The following ANKRD28 variants were observed in gnomAD, a reference collection of about 807,000 sequenced individuals.
ANKRD28 encodes serine/threonine-protein phosphatase 6 regulatory ankyrin repeat subunit A.
A neutral mutation model predicts 126.5 loss-of-function variants in ANKRD28; 44 were observed. The observed-to-expected ratio is 0.35, with a 90% CI of 0.27 to 0.45. The LOEUF is 0.45. Among genes scored for constraint, ANKRD28 ranks in the 20% least tolerant of loss-of-function variants. The probability of loss-of-function intolerance (pLI) is 1.00; values close to 1 mark genes in which losing one functional copy is unlikely to be tolerated. For missense variants in ANKRD28, 1,110 were observed against 1,316.6 expected, an observed-to-expected ratio of 0.84 and a Z score of 2.43; for synonymous variants, 442 against 468.5, an observed-to-expected ratio of 0.94 and a Z score of 0.73.
At chr3:15,776,967 A>C (rs568800150) in intron 2 of ANKRD28, among the ~76,000 whole-genome samples, 2 of 152,164 alleles carry the variant, frequency 1.3e-5, no homozygotes, top group East Asian at 3.8e-4. Context: ...TCCTGAACTA[A>C]TGTTCAAAAT....
At chr3:15,733,565 C>T (rs976412866) in intron 6 of ANKRD28, 26 of 152,014 alleles carry the variant, frequency 1.7e-4, no homozygotes, top group African/African-American at 6.0e-4. Flanking sequence ...GACTATTCTT[C>T]GGTGATAATA....
rs950631157 is a variant in ANKRD28, at chr3:15,845,438, T to C, written c.27+13939A>G. On this transcript the variant is annotated intron_variant, in intron 1 of 27. Transcript: ENST00000399451. The surrounding 1 kb of genome is among the most constrained non-coding windows in gnomAD (Gnocchi z 4.9). ...AAGGTTACAGCTCCTTGGCATTATC[T>C]GTTGAAGTTTCTTGATTCCAGACAT... Among the ~76,000 whole-genome samples, 3 of 152,236 alleles carry C rather than the reference T, an allele frequency of 2.0e-5. No homozygotes were observed. The East Asian group carries it at 5.8e-4, about 29-fold the overall frequency.
rs1444866522 is a variant in ANKRD28 at position 15,714,669 on chromosome 3, G to A, written c.997-13C>T. 6.4e-7 allele frequency: 1 copy of A among 1,568,536 alleles called. No homozygotes were observed. The highest frequency in any genetic ancestry group is 2.0e-5 in the Admixed American group (1 of 48,992). ...TCCCATCTTTACTCTGGGGGGGGAA[G>A]AAAAAAATTACTCACTCTACTATAT... On this transcript the variant is annotated splice_polypyrimidine_tract_variant and intron_variant, in intron 8 of 27. Coordinates refer to ENST00000683139, the MANE Select transcript of ANKRD28 (RefSeq NM_001349278.2).
chr3:15,727,270 T>A (rs572319697), intron 6 of ANKRD28, among the ~76,000 whole-genome samples: 1 of 152,038 alleles, frequency 6.6e-6, no homozygotes, highest in Non-Finnish European at 1.5e-5. Flanking sequence ...GATTCATCAT[T>A]CTAGATGCCA....
chr3:15,751,682 T>C, intron 4 of ANKRD28, 68 bp downstream of exon 4: 1 of 1,017,612 alleles, frequency 9.8e-7, no homozygotes. Context: ...AGAATTTGAA[T>C]ATGGATTCAG....
At chr3:15,714,428 A>G (rs2072738388) in intron 9 of ANKRD28, 150 bp downstream of exon 9, 1 of 625,736 alleles carries the variant, frequency 1.6e-6, no homozygotes, top group Non-Finnish European at 2.7e-6. Flanking sequence ...ATACTCTTTA[A>G]TATTTTATTT....
In ANKRD28 at chr3:15,690,224, G is replaced by C; in HGVS notation, c.1762-4C>G. 6.4e-7 allele frequency: 1 copy of C among 1,563,034 alleles called. No homozygotes were observed. The highest frequency in any genetic ancestry group is 8.7e-7 in the Non-Finnish European group (1 of 1,154,820). On this transcript the variant is annotated splice_region_variant and splice_polypyrimidine_tract_variant and intron_variant, in intron 17 of 27. Coordinates refer to ENST00000683139, the MANE Select transcript of ANKRD28 (RefSeq NM_001349278.2). ...CTTGATGGTGACCATGATAGGCCTAGAAATAAATAAAAATGTAAATTTAAA... is the reference window on the plus strand; with the variant it reads ...CTTGATGGTGACCATGATAGGCCTACAAATAAATAAAAATGTAAATTTAAA...
chr3:15,852,598 C>G (rs1470432791), intron 1 of ANKRD28, among the ~76,000 whole-genome samples: 1 of 152,012 alleles, frequency 6.6e-6, no homozygotes, highest in Non-Finnish European at 1.5e-5. Context: ...CTTTGGGAGG[C>G]CGAGGCGGGC....
At chr3:15,772,161 T>C (rs2059045917) in intron 2 of ANKRD28, among the ~76,000 whole-genome samples, 1 of 151,406 alleles carries the variant, frequency 6.6e-6, no homozygotes, top group Non-Finnish European at 1.5e-5. Flanking sequence ...TCACTTAAAC[T>C]AGAAAAAAGG....
At chr3:15,720,089 C>G (rs2073536521) in intron 8 of ANKRD28, among the ~76,000 whole-genome samples, 1 of 151,802 alleles carries the variant, frequency 6.6e-6, no homozygotes, top group Admixed American at 6.6e-5. Flanking sequence ...GTCCTGAATT[C>G]CTAGGCTCAA....
intron 6 of ANKRD28, among the ~76,000 whole-genome samples, chr3:15,728,447 C>T (rs1266554586): frequency 6.6e-6 from 1 of 152,134 alleles, no homozygotes; most frequent in South Asian, 2.1e-4. Flanking sequence ...ATGCATGCCA[C>T]CACACTGGGC....
At chr3:15,703,758 G>C (rs999104154) in intron 14 of ANKRD28, among the ~76,000 whole-genome samples, 10 of 152,202 alleles carry the variant, frequency 6.6e-5, no homozygotes, top group African/African-American at 2.4e-4. Context: ...AAGAGGTTTT[G>C]GAACTGGGTA....
intron 11 of ANKRD28, 93 bp from the exon 12 acceptor site, chr3:15,711,367 C>A: frequency 2.9e-6 from 3 of 1,035,262 alleles, no homozygotes; most frequent in Non-Finnish European, 2.9e-6. Context: ...TCCTCCCCTC[C>A]AATCCCAAAC....
At chr3:15,787,127 T>C (rs961062276) in intron 2 of ANKRD28, among the ~76,000 whole-genome samples, 1 of 152,136 alleles carries the variant, frequency 6.6e-6, no homozygotes, top group Non-Finnish European at 1.5e-5. Flanking sequence ...AAAGTCTCTA[T>C]AGACTAATAT....
chr3:15,859,097 A>G (rs537560141), intron 1 of ANKRD28, among the ~76,000 whole-genome samples: 120 of 152,204 alleles, frequency 7.9e-4, no homozygotes, highest in African/African-American at 2.8e-3. Context: ...ATTGCCCGGC[A>G]GCTCGCCCGA....
At chr3:15,826,985 A>C (rs949368147) in intron 1 of ANKRD28, among the ~76,000 whole-genome samples, 3 of 152,204 alleles carry the variant, frequency 2.0e-5, no homozygotes, top group Non-Finnish European at 4.4e-5. Context: ...TTCTCAAATG[A>C]AGACACAAAT....
intron 1 of ANKRD28, among the ~76,000 whole-genome samples, chr3:15,835,618 G>A (rs9878046): frequency 0.021 from 3,219 of 152,254 alleles, 115 homozygotes; most frequent in African/African-American, 0.071. Flanking sequence ...TAAGGTTCAA[G>A]TCTCATAGCT....
chr3:15,803,547 G>A (rs1332754420), intron 1 of ANKRD28, among the ~76,000 whole-genome samples: 1 of 151,530 alleles, frequency 6.6e-6, no homozygotes. Flanking sequence ...AACCTGGGAG[G>A]TGGAGGCTGT....
chr3:15,852,393 C>CTACTCAATTGCCTTTTTAAA (rs2061671649), intron 1 of ANKRD28, among the ~76,000 whole-genome samples: 1 of 152,178 alleles, frequency 6.6e-6, no homozygotes, highest in Admixed American at 6.5e-5. Flanking sequence ...CTGAATTTCT[C>CTACTCAATTGCCTTTTTAAA]TACTCAATTG....
Sources: gnomAD v4.1 joint callset for allele counts (sites outside exome capture counted in the v4.1 genomes callset) on GRCh38, gnomAD v4.1.1 for gene constraint, Gnocchi (gnomAD v3.1) non-coding constraint, MANE v1.5 for transcripts, NCBI Gene and HGNC (gene_info 2026-07-23, HGNC 2026-07-21) for gene names.